Variants in FSIP2 observed in about 807,000 individuals in gnomAD.
FSIP2 encodes fibrous sheath-interacting protein 2.
A neutral mutation model predicts 510.5 loss-of-function variants in FSIP2; 367 were observed. The observed-to-expected ratio is 0.72, with a 90% CI of 0.66 to 0.78. The LOEUF (loss-of-function observed/expected upper bound fraction) is 0.78, where lower values mean the gene tolerates loss of function less well. Ranked by LOEUF, FSIP2 falls within the 30% of genes least tolerant of loss-of-function variation. The probability of loss-of-function intolerance (pLI) is 0.00; values close to 1 mark genes in which losing one functional copy is unlikely to be tolerated. For synonymous variants in FSIP2, 2,601 were observed against 2,732.2 expected, an observed-to-expected ratio of 0.95 and a Z score of 1.50; for missense variants, 7,594 against 7,901.7, an observed-to-expected ratio of 0.96 and a Z score of 1.48.
At position 185,802,875 on chromosome 2, in the gene FSIP2, A is replaced by G; in HGVS notation, c.13569A>G (p.Arg4523=). 1 of 1,499,218 alleles carries G rather than the reference A, an allele frequency of 6.7e-7. No individual in the cohort carries two copies. Among genetic ancestry groups the G allele is most frequent in the Non-Finnish European group, 8.8e-7 (1 of 1,133,440 alleles). 92.9% of individuals were successfully genotyped at this position (1,499,218 alleles called of 1,614,324 possible). A position where few individuals can be genotyped will look rare whatever the true frequency, so the allele number is the denominator to read the frequency against. The change falls in exon 17 of 23, where the codon CGA becomes CGG. Residue 4523 remains arginine (R), a synonymous_variant. Coordinates refer to ENST00000424728, the MANE Select transcript of FSIP2 (RefSeq NM_173651.4). ...TGAAAGTTTCCCAACATGAAATTCG[A>G]TTTTCAAAAGAGGAAGAAGAAACCA... ...IRMKVSQHEI[R]FSKEEEETKF...
rs1231192919 is a variant in FSIP2, at chr2:185,761,059, GTTGT to G, written c.1153_1156del (p.Val385IlefsTer10). 4.7e-6 allele frequency: 7 copies of G among 1,499,778 alleles called. 1 individual carries two copies. In the South Asian group the frequency reaches 8.6e-5, roughly 18 times the overall value. The allele number at this position is 1,499,778 out of a possible 1,614,324, so 92.9% of individuals were successfully genotyped here. The stretch of plus-strand genomic sequence containing the variant: ...TTTTACGAAAAAAAACTCAGCTTCT[GTTGT>G]TTATCAGGCAGATGTACAGGATAAT... On this transcript the variant is annotated frameshift_variant, in exon 10 of 23. Transcript: ENST00000424728. LOFTEE classifies it high-confidence loss of function.
intron 19 of FSIP2, among the ~76,000 whole-genome samples, chr2:185,822,820 C>T (rs1328189415): frequency 8.6e-5 from 13 of 151,690 alleles, no homozygotes; most frequent in Admixed American, 1.3e-4. Context: ...ACAAAGCTAC[C>T]GTAATCAAAC....
At chr2:185,821,330 A>T (rs1266609087) in intron 19 of FSIP2, among the ~76,000 whole-genome samples, 1 of 151,940 alleles carries the variant, frequency 6.6e-6, no homozygotes, top group Non-Finnish European at 1.5e-5. Context: ...ATAAAAGCTT[A>T]TGACCAGATA....
chr2:185,829,915 A>T (rs1309732512), intron 21 of FSIP2, among the ~76,000 whole-genome samples: 1 of 151,928 alleles, frequency 6.6e-6, no homozygotes, highest in Non-Finnish European at 1.5e-5. Flanking sequence ...AAATCTGTTT[A>T]TACTGTCCCC....
chr2:185,757,833 G>A (rs1692271608), intron 9 of FSIP2, among the ~76,000 whole-genome samples: 1 of 151,178 alleles, frequency 6.6e-6, no homozygotes, highest in South Asian at 2.1e-4. Flanking sequence ...GGAACATTTT[G>A]TACAATTACA....
intron 13 of FSIP2, among the ~76,000 whole-genome samples, chr2:185,767,958 A>G (rs1047613286): frequency 6.6e-6 from 1 of 152,154 alleles, no homozygotes; most frequent in Non-Finnish European, 1.5e-5. Context: ...GTTTTCTACA[A>G]TGTCTGTACA....
chr2:185,756,008 T>C (rs1692239336), intron 8 of FSIP2, among the ~76,000 whole-genome samples, 184 bp from the exon 9 acceptor site: 1 of 151,510 alleles, frequency 6.6e-6, no homozygotes, highest in Non-Finnish European at 1.5e-5. Context: ...TAAGGGATAA[T>C]ATTTCAAGAA....
In FSIP2 at chr2:185,807,284, C is replaced by T. The variant is rs1429784246; in HGVS notation, c.17978C>T (p.Thr5993Ile). Reference sequence around the variant, plus strand: ...AAAAAGGTCCAAAAGTTGGCCCAAACAGCCAGCAAAGAATGTCAAACTTCA... The same window carrying T: ...AAAAAGGTCCAAAAGTTGGCCCAAATAGCCAGCAAAGAATGTCAAACTTCA... ...VVKKVQKLAQ[T>I]ASKECQTSSP... Residue 5993 changes from threonine (T) to isoleucine (I), a missense_variant, in exon 17 of 23, where the codon ACA (threonine) becomes ATA (isoleucine). Thr to Ile is a moderately conservative substitution (Grantham distance 89). Transcript: ENST00000424728. 6.2e-7 allele frequency: 1 copy of T among 1,612,654 alleles called. No individual in the cohort carries two copies. Among genetic ancestry groups the T allele is most frequent in the Non-Finnish European group, 8.5e-7 (1 of 1,179,224 alleles).
intron 18 of FSIP2, among the ~76,000 whole-genome samples, chr2:185,814,392 C>A (rs950649372): frequency 5.9e-5 from 9 of 152,042 alleles, no homozygotes; most frequent in African/African-American, 1.4e-4. Context: ...CCTAATGCTA[C>A]TAGAATAGCA....
At position 185,764,561 on chromosome 2, in the gene FSIP2, A is replaced by G; in HGVS notation, c.1407A>G (p.Glu469=). ...RPTKRSSYLC[E]SGPQAHATDP... is the part of the protein sequence containing the mutation. ...CCAAGAGATCAAGCTATCTCTGCGA[A>G]TCAGGTAAATATCAGCAGTAATTAT... The change falls in exon 13 of 23, where the codon GAA becomes GAG. Residue 469 remains glutamate (E), a synonymous_variant. Transcript: ENST00000424728. 1 of 1,517,792 alleles carries G rather than the reference A, an allele frequency of 6.6e-7. No individual in the cohort carries two copies. Among genetic ancestry groups the G allele is most frequent in the Non-Finnish European group, 8.8e-7 (1 of 1,131,474 alleles). 94.0% of individuals were successfully genotyped at this position (1,517,792 alleles called of 1,614,324 possible).
intron 13 of FSIP2, among the ~76,000 whole-genome samples, chr2:185,771,727 T>G (rs1176719302): frequency 6.6e-6 from 1 of 152,218 alleles, no homozygotes; most frequent in African/African-American, 2.4e-5. Context: ...GGCCCCCTTT[T>G]AGTCATGCTA....
chr2:185,810,978 A>C (rs1437035076), intron 17 of FSIP2, among the ~76,000 whole-genome samples: 1 of 152,022 alleles, frequency 6.6e-6, no homozygotes, highest in African/African-American at 2.4e-5. Flanking sequence ...CATGCCCTAG[A>C]GTTCTGTGGA....
Position 185,789,923 on chromosome 2 carries a change from A to G in FSIP2, c.2787A>G (p.Glu929=). The G allele has an allele frequency of 2.0e-6, 3 of 1,534,018 alleles. No homozygotes were observed. Among genetic ancestry groups the G allele is most frequent in the Non-Finnish European group, 1.7e-6 (2 of 1,145,402 alleles). The change falls in exon 16 of 23, where the codon GAA becomes GAG. Residue 929 remains glutamate (E), a synonymous_variant. Coordinates refer to ENST00000424728, the MANE Select transcript of FSIP2 (RefSeq NM_173651.4). The part of the protein sequence containing the change: ...ELNNERIIAS[E]ETVVLLQLLE... The stretch of plus-strand genomic sequence containing the variant: ...ATAATGAGAGAATTATTGCATCTGA[A>G]GAAACCGTAGTACTCCTTCAGCTAC...
At chr2:185,767,307 T>C (rs1156247377) in intron 13 of FSIP2, among the ~76,000 whole-genome samples, 1 of 149,468 alleles carries the variant, frequency 6.7e-6, no homozygotes, top group African/African-American at 2.5e-5. Context: ...ACCCTAAAAC[T>C]TAAAGTATAA....
chr2:185,789,813 T>G lies in FSIP2; in HGVS notation c.2677T>G (p.Ser893Ala), dbSNP rs370316027. 3 of 1,533,268 alleles carry G rather than the reference T, an allele frequency of 2.0e-6. No homozygotes were observed. Among genetic ancestry groups the G allele is most frequent in the African/African-American group, 2.7e-5 (2 of 72,996 alleles). The allele number at this position is 1,533,268 out of a possible 1,614,324, so 95.0% of individuals were successfully genotyped here. The change falls in exon 16 of 23, where the codon TCA becomes GCA. Residue 893 changes from serine to alanine, a missense_variant. Coordinates refer to ENST00000424728, the MANE Select transcript of FSIP2 (RefSeq NM_173651.4). ...IVNEEVQNLISNIFSQSSLVA... is the reference protein window; with the variant it reads ...IVNEEVQNLIANIFSQSSLVA... ...CAATGAAGAAGTACAAAATTTAATA[T>G]CAAATATTTTTTCCCAGTCTTCTTT...
At position 185,805,526 on chromosome 2, in the gene FSIP2, T is replaced by A; in HGVS notation, c.16220T>A (p.Phe5407Tyr). The A allele has an allele frequency of 6.2e-7, 1 of 1,611,742 alleles. No homozygotes were observed. Among genetic ancestry groups the A allele is most frequent in the Non-Finnish European group, 8.5e-7 (1 of 1,178,540 alleles). The change falls in exon 17 of 23, where the codon TTT (phenylalanine) becomes TAT (tyrosine). Residue 5407 changes from phenylalanine to tyrosine, a missense_variant. Coordinates refer to ENST00000424728, the MANE Select transcript of FSIP2 (RefSeq NM_173651.4). ...LFSGDWSSTFFSFLNPDNITQ... is the reference protein window; with the variant it reads ...LFSGDWSSTFYSFLNPDNITQ... Reference sequence around the variant, plus strand: ...TCAGGAGACTGGTCTTCCACCTTCTTTTCATTTCTAAATCCAGATAATATC... The same window carrying A: ...TCAGGAGACTGGTCTTCCACCTTCTATTCATTTCTAAATCCAGATAATATC...
chr2:185,789,950 TGAG>T lies in FSIP2; in HGVS notation c.2817_2819del (p.Glu939del). On this transcript the variant is annotated inframe_deletion, in exon 16 of 23. Coordinates refer to ENST00000424728, the MANE Select transcript of FSIP2 (RefSeq NM_173651.4). ...AAACCGTAGTACTCCTTCAGCTACTTGAGGACATCCTTTTTCAGCTCCATCAGG... is the reference window on the plus strand; with the variant it reads ...AAACCGTAGTACTCCTTCAGCTACTTGACATCCTTTTTCAGCTCCATCAGG... 2 of 1,534,362 alleles carry T rather than the reference TGAG, an allele frequency of 1.3e-6. No homozygotes were observed. The highest frequency in any genetic ancestry group is 1.7e-6 in the Non-Finnish European group (2 of 1,145,710).
chr2:185,799,719 T>A lies in FSIP2; in HGVS notation c.10413T>A (p.Ser3471=). The change falls in exon 17 of 23, where the codon TCT becomes TCA. Residue 3471 remains serine, a synonymous_variant. Transcript: ENST00000424728. ...AAGTTTTTAGTGAGGAAAAGATGTCTGTTTCTACATGGTCAAGGAAAAAAT... is the reference window on the plus strand; with the variant it reads ...AAGTTTTTAGTGAGGAAAAGATGTCAGTTTCTACATGGTCAAGGAAAAAAT... ...ETTVFSEEKM[S]VSTWSRKKYE... is the part of the protein sequence containing the mutation. 1 of 1,367,652 alleles carries A rather than the reference T, an allele frequency of 7.3e-7. No individual in the cohort carries two copies. The highest frequency in any genetic ancestry group is 9.6e-7 in the Non-Finnish European group (1 of 1,036,578). The allele number at this position is 1,367,652 out of a possible 1,614,324, so 84.7% of individuals were successfully genotyped here. A position where few individuals can be genotyped will look rare whatever the true frequency, so the allele number is the denominator to read the frequency against.
At position 185,789,453 on chromosome 2, in the gene FSIP2, A is replaced by C. The variant is rs1416822633; in HGVS notation, c.2317A>C (p.Lys773Gln). ...GAAGTTAGAGTCTGCAGTTGAGAAA[A>C]AATGTGTTGAGATGTTTTCACAAGA... Reference protein sequence around the residue: ...LEKLESAVEKKCVEMFSQDLS... With the variant: ...LEKLESAVEKQCVEMFSQDLS... The change falls in exon 16 of 23, where the codon AAA (lysine) becomes CAA (glutamine). Residue 773 changes from lysine to glutamine, a missense_variant. By Grantham distance (53) the Lys-to-Gln change is moderately conservative (BLOSUM62 1). Coordinates refer to ENST00000424728, the MANE Select transcript of FSIP2 (RefSeq NM_173651.4). The C allele has an allele frequency of 6.5e-7, 1 of 1,534,718 alleles. No homozygotes were observed. Among genetic ancestry groups the C allele is most frequent in the Admixed American group, 2.0e-5 (1 of 50,858 alleles).
Sources: allele counts gnomAD v4.1 joint callset (sites outside exome capture counted in the v4.1 genomes callset), GRCh38; gene constraint gnomAD v4.1.1; transcripts MANE v1.5; gene names NCBI Gene and HGNC (gene_info 2026-07-23, HGNC 2026-07-21).